TOX3: variants seen among roughly 807,000 people sequenced by gnomAD.
TOX3 encodes CAG trinucleotide repeat-containing gene F9 protein.
In TOX3, 22 loss-of-function variants were observed where a neutral mutation model predicts 64.3. The ratio of observed to expected loss-of-function variants is 0.34; its 90% CI spans 0.24 to 0.49. TOX3 has a LOEUF of 0.49. TOX3 is among the 20% of genes least tolerant of loss of function. The pLI, the probability that TOX3 is intolerant of heterozygous loss-of-function variation, is 0.99. For synonymous variants in TOX3, 291 were observed against 273.6 expected, an observed-to-expected ratio of 1.06 and a Z score of -0.63; for missense variants, 661 against 714.4, an observed-to-expected ratio of 0.93 and a Z score of 0.85.
chr16:52,487,886 T>A (rs1200884121), intron 1 of TOX3, among the ~76,000 whole-genome samples: 1 of 152,218 alleles, frequency 6.6e-6, no homozygotes, highest in African/African-American at 2.4e-5. Context: ...CTGTGATTTT[T>A]GGAATCAAAT....
At chr16:52,454,706 A>T (rs556593915) in intron 3 of TOX3, among the ~76,000 whole-genome samples, 1 of 152,330 alleles carries the variant, frequency 6.6e-6, no homozygotes, top group Non-Finnish European at 1.5e-5. Context: ...AGCTCAGTAT[A>T]AAAGTATTTA....
At chr16:52,459,908 T>C (rs956367313) in intron 3 of TOX3, among the ~76,000 whole-genome samples, 1 of 152,062 alleles carries the variant, frequency 6.6e-6, no homozygotes, top group Non-Finnish European at 1.5e-5. Context: ...CCAAGTATAA[T>C]AATAAAAAAA....
At chr16:52,522,223 C>T (rs1451195923) in intron 1 of TOX3, among the ~76,000 whole-genome samples, 4 of 152,148 alleles carry the variant, frequency 2.6e-5, no homozygotes, top group African/African-American at 9.7e-5. Context: ...ATTTGATGCT[C>T]AGAATGAGGT....
intron 1 of TOX3, among the ~76,000 whole-genome samples, chr16:52,525,971 G>C (rs1962719693): frequency 6.6e-6 from 1 of 152,180 alleles, no homozygotes; most frequent in African/African-American, 2.4e-5. Context: ...AGAATTGGCT[G>C]TTCAGGAACT....
chr16:52,542,590 G>GGTA (rs1469861988), intron 1 of TOX3, among the ~76,000 whole-genome samples: 1 of 152,096 alleles, frequency 6.6e-6, no homozygotes, highest in Non-Finnish European at 1.5e-5. Context: ...CTTTAAATGG[G>GGTA]GTATGTTCTC....
intron 1 of TOX3, among the ~76,000 whole-genome samples, chr16:52,516,922 A>C (rs1254791602): frequency 6.6e-6 from 1 of 152,158 alleles, no homozygotes; most frequent in East Asian, 1.9e-4. Flanking sequence ...CTCCCCGACC[A>C]AAAAAACCAA....
chr16:52,523,906 C>T (rs1360507539), intron 1 of TOX3, among the ~76,000 whole-genome samples: 5 of 152,172 alleles, frequency 3.3e-5, no homozygotes, highest in Non-Finnish European at 5.9e-5. Context: ...TCATTAGATT[C>T]ATTTAAAGCA....
intron 1 of TOX3, among the ~76,000 whole-genome samples, chr16:52,538,653 C>T (rs1963013100): frequency 6.6e-6 from 1 of 152,126 alleles, no homozygotes; most frequent in Non-Finnish European, 1.5e-5. Flanking sequence ...AGAGTAAAAA[C>T]TCAAATGTGT....
intron 1 of TOX3, among the ~76,000 whole-genome samples, chr16:52,473,731 C>T (rs1434723911): frequency 6.6e-6 from 1 of 152,128 alleles, no homozygotes; most frequent in Non-Finnish European, 1.5e-5. Flanking sequence ...GTCTGGAGCA[C>T]CACATTAGAA....
chr16:52,451,515 A>G (rs1443001345), intron 3 of TOX3, among the ~76,000 whole-genome samples: 1 of 152,160 alleles, frequency 6.6e-6, no homozygotes, highest in Non-Finnish European at 1.5e-5. Flanking sequence ...TTACTTTAAG[A>G]CATGTCATTT....
At chr16:52,520,605 A>G (rs1232091230) in intron 1 of TOX3, among the ~76,000 whole-genome samples, 2 of 152,250 alleles carry the variant, frequency 1.3e-5, no homozygotes. Context: ...TTTACAGTTG[A>G]AAGTTTTCAA....
intron 1 of TOX3, among the ~76,000 whole-genome samples, chr16:52,490,626 A>ATTTTTTTTTC (rs760052010): frequency 1.0e-5 from 1 of 99,060 alleles, no homozygotes. Context: ...CTAGGATGTA[A>ATTTTTTTTTC]TTTTTTTTTT....
Position 52,439,882 on chromosome 16 carries a change from G to A in TOX3, c.1074C>T (p.Leu358=), listed in dbSNP as rs761769635. ...ASTNLTSSLL[L]NTPLSQHGTV... ...TTCCATGTTGAGACAGTGGAGTGTT[G>A]AGAAGGAGAGAGGATGTTAGATTGG... is the stretch of plus-strand genomic sequence containing the variant. The change falls in exon 7 of 7, where the codon CTC becomes CTT. Residue 358 remains leucine, a synonymous_variant. Transcript: ENST00000219746. 6 of 1,613,588 alleles carry A rather than the reference G, an allele frequency of 3.7e-6. No individual in the cohort carries two copies. The East Asian group carries it at 1.3e-4, about 36-fold the overall frequency.
At chr16:52,508,250 C>T (rs1322040679) in intron 1 of TOX3, among the ~76,000 whole-genome samples, 1 of 152,144 alleles carries the variant, frequency 6.6e-6, no homozygotes, top group Admixed American at 6.5e-5. Context: ...TACAACCATT[C>T]TGGAAAATAA....
intron 3 of TOX3, among the ~76,000 whole-genome samples, chr16:52,460,976 T>C (rs1303080341): frequency 6.6e-6 from 1 of 152,194 alleles, no homozygotes; most frequent in Non-Finnish European, 1.5e-5. Context: ...ATCTTTCATT[T>C]ATGACTGACC....
intron 4 of TOX3, among the ~76,000 whole-genome samples, chr16:52,446,795 GTCA>G (rs1960177478): frequency 1.3e-5 from 2 of 152,020 alleles, no homozygotes; most frequent in South Asian, 4.1e-4. Flanking sequence ...TTAGGAAAAG[GTCA>G]TCTTTATTTT....
intron 2 of TOX3, among the ~76,000 whole-genome samples, chr16:52,467,491 C>A (rs1960901808): frequency 6.6e-6 from 1 of 152,098 alleles, no homozygotes. Flanking sequence ...ATAACACTTG[C>A]CTCCCTTTAC....
chr16:52,544,330 C>T (rs1963131495), intron 1 of TOX3, among the ~76,000 whole-genome samples: 1 of 152,164 alleles, frequency 6.6e-6, no homozygotes, highest in African/African-American at 2.4e-5. Flanking sequence ...TCCTCTTCTA[C>T]TATATTCTCT....
chr16:52,440,013 T>C (rs371382933), intron 6 of TOX3, 45 bp from the exon 7 acceptor site: 1 of 1,394,714 alleles, frequency 7.2e-7, no homozygotes, highest in Non-Finnish European at 9.6e-7. Flanking sequence ...AACACATAAG[T>C]ATTTAAAATA....
Sources: gnomAD v4.1 joint callset for allele counts (sites outside exome capture counted in the v4.1 genomes callset) on GRCh38, gnomAD v4.1.1 for gene constraint, MANE v1.5 for transcripts, NCBI Gene and HGNC (gene_info 2026-07-23, HGNC 2026-07-21) for gene names.